The following PRKCE variants were observed in gnomAD, a reference collection of about 807,000 sequenced individuals.
The protein encoded by PRKCE is protein kinase C epsilon.
A neutral mutation model predicts 85.4 loss-of-function variants in PRKCE; 16 were observed. The ratio of observed to expected loss-of-function variants is 0.19; its 90% CI spans 0.13 to 0.28. PRKCE has a LOEUF of 0.28. PRKCE is among the 10% of genes least tolerant of loss of function. The pLI is 1.00. For synonymous variants in PRKCE, 388 were observed against 371.5 expected (o/e 1.04, Z -0.51); for missense variants, 573 against 975.2 (o/e 0.59, Z 5.49).
intron 2 of PRKCE, among the ~76,000 whole-genome samples, chr2:45,904,918 C>A (rs1051212738): frequency 3.9e-5 from 6 of 152,090 alleles, no homozygotes; most frequent in African/African-American, 9.7e-5. Flanking sequence ...GTCAGGGGAA[C>A]CTGGGGAGCT....
intron 14 of PRKCE, among the ~76,000 whole-genome samples, chr2:46,172,901 G>C (rs1679058453): frequency 6.6e-6 from 1 of 152,212 alleles, no homozygotes; most frequent in South Asian, 2.1e-4. Flanking sequence ...AGAAAGCCAG[G>C]CTTTTTATAA....
At chr2:45,741,307 T>A (rs10170748) in intron 1 of PRKCE, among the ~76,000 whole-genome samples, 61,783 of 151,944 alleles carry the variant, frequency 0.41, 12,862 homozygotes, top group Admixed American at 0.45. Flanking sequence ...TTTCTGAGAA[T>A]CTTTTCCTCA....
At chr2:45,716,150 T>A (rs1680066907) in intron 1 of PRKCE, among the ~76,000 whole-genome samples, 2 of 152,208 alleles carry the variant, frequency 1.3e-5, no homozygotes, top group Non-Finnish European at 2.9e-5. Context: ...ATCCCTGGGA[T>A]GGTTGTTTCT....
intron 1 of PRKCE, among the ~76,000 whole-genome samples, chr2:45,669,387 T>C (rs1676052183): frequency 6.6e-6 from 1 of 152,160 alleles, no homozygotes; most frequent in African/African-American, 2.4e-5. Context: ...AGGAATGTGT[T>C]TTAGAACCCG....
intron 2 of PRKCE, among the ~76,000 whole-genome samples, chr2:45,904,414 C>T (rs1247439311): frequency 6.6e-6 from 1 of 152,026 alleles, no homozygotes; most frequent in Non-Finnish European, 1.5e-5. Flanking sequence ...CTTAACAGTA[C>T]CACCTCTCAC....
intron 1 of PRKCE, among the ~76,000 whole-genome samples, chr2:45,746,210 A>G (rs916559092): frequency 6.6e-6 from 1 of 152,090 alleles, no homozygotes; most frequent in Non-Finnish European, 1.5e-5. Context: ...ATACCTTTAA[A>G]TGATTCCTAT....
intron 12 of PRKCE, among the ~76,000 whole-genome samples, chr2:46,149,599 A>G (rs1676405507): frequency 6.6e-6 from 1 of 151,618 alleles, no homozygotes; most frequent in African/African-American, 2.4e-5. Flanking sequence ...TTTTATTTAT[A>G]TATGTTATAT....
intron 1 of PRKCE, among the ~76,000 whole-genome samples, chr2:45,692,609 C>T (rs1677820669): frequency 6.6e-6 from 1 of 152,074 alleles, no homozygotes; most frequent in African/African-American, 2.4e-5. Flanking sequence ...AACCATTTGT[C>T]CTCAAGATGC....
In PRKCE at chr2:46,126,486, G is replaced by A. The variant is rs548358235; in HGVS notation, c.1593-18607G>A. On this transcript the variant is annotated intron_variant, in intron 11 of 14. Transcript: ENST00000306156. The stretch of plus-strand genomic sequence containing the variant: ...ATGAATTCTTCTTACAGAAAGTGAT[G>A]GGAGTTGGCCAGAGAAGGCATTGGC... 2.6e-5 allele frequency among the ~76,000 whole-genome samples: 4 copies of A among 152,262 alleles called. No individual in the cohort carries two copies. In the East Asian group the frequency reaches 7.7e-4, roughly 29 times the overall value.
At chr2:46,111,655 C>T (rs1431529943) in intron 11 of PRKCE, among the ~76,000 whole-genome samples, 1 of 152,162 alleles carries the variant, frequency 6.6e-6, no homozygotes, top group Middle Eastern at 3.2e-3. Context: ...CACTTTGTAG[C>T]ATGTATTAGA....
intron 1 of PRKCE, among the ~76,000 whole-genome samples, chr2:45,702,450 G>T (rs1678724655): frequency 6.6e-6 from 1 of 152,134 alleles, no homozygotes; most frequent in Non-Finnish European, 1.5e-5. Context: ...TCTGTAAACT[G>T]CCTAGTCTAT....
chr2:45,849,346 A>G (rs1363757804), intron 2 of PRKCE, among the ~76,000 whole-genome samples: 3 of 152,152 alleles, frequency 2.0e-5, no homozygotes, highest in African/African-American at 4.8e-5. Flanking sequence ...CAGGCATCCC[A>G]TCGTGGTCTT....
At chr2:46,163,712 AAAGAGGC>A (rs1292283047) in intron 14 of PRKCE, among the ~76,000 whole-genome samples, 30 of 146,136 alleles carry the variant, frequency 2.1e-4, no homozygotes, top group Middle Eastern at 3.8e-3. Context: ...GGCACACCCC[AAAGAGGC>A]CACTGAGAGA....
chr2:45,781,157 A>ACC lies in PRKCE; in HGVS notation c.349-61837_349-61836dup, dbSNP rs113092589. On this transcript the variant is annotated intron_variant, in intron 1 of 14. Coordinates refer to ENST00000306156, the MANE Select transcript of PRKCE (RefSeq NM_005400.3). ...AGACCAGCCTGGGCAACATACGGAG[A>ACC]CCCCCCCATCTCTACAAAATAATAA... Among the ~76,000 whole-genome samples, 390 of 149,452 alleles carry ACC rather than the reference A, an allele frequency of 2.6e-3. 1 individual carries two copies. The highest frequency in any genetic ancestry group is 8.9e-3 in the African/African-American group (361 of 40,450).
intron 11 of PRKCE, among the ~76,000 whole-genome samples, chr2:46,096,051 C>T: frequency 6.6e-6 from 1 of 152,156 alleles, no homozygotes; most frequent in African/African-American, 2.4e-5. Flanking sequence ...GTCAGGTCAC[C>T]CTGTCCTCTC....
At chr2:45,667,130 G>A (rs1465967195) in intron 1 of PRKCE, among the ~76,000 whole-genome samples, 1 of 152,074 alleles carries the variant, frequency 6.6e-6, no homozygotes, top group East Asian at 1.9e-4. Flanking sequence ...GGCCAACATG[G>A]TGAAACCCCA....
At chr2:45,751,805 C>T (rs1280528909) in intron 1 of PRKCE, among the ~76,000 whole-genome samples, 1 of 136,940 alleles carries the variant, frequency 7.3e-6, no homozygotes, top group African/African-American at 2.9e-5. Context: ...CAAAGCTAAC[C>T]ACTATTTTTT....
intron 1 of PRKCE, chr2:45,678,018 C>A (rs1056557996): frequency 2.0e-6 from 1 of 496,852 alleles, no homozygotes; most frequent in Non-Finnish European, 2.6e-6. Context: ...AGAACCCAAT[C>A]GAAGAAGTTG....
At chr2:45,972,621 C>A (rs1004622953) in intron 2 of PRKCE, among the ~76,000 whole-genome samples, 2 of 152,116 alleles carry the variant, frequency 1.3e-5, no homozygotes, top group South Asian at 4.1e-4. Flanking sequence ...ATTCAATCCA[C>A]GTTTAGTTGA....
Sources: allele counts gnomAD v4.1 joint callset (sites outside exome capture counted in the v4.1 genomes callset), GRCh38; gene constraint gnomAD v4.1.1; transcripts MANE v1.5; gene names NCBI Gene and HGNC (gene_info 2026-07-23, HGNC 2026-07-21).